Variants in ATP10B observed in about 807,000 individuals in gnomAD.
The protein encoded by ATP10B is ATPase phospholipid transporting 10B (putative).
Under a neutral mutation model 141.2 loss-of-function variants are expected in ATP10B, and 122 were observed. The observed-to-expected ratio is 0.86, with a 90% confidence interval of 0.75 to 1.00. The LOEUF is 1.00. Ranked by LOEUF, ATP10B falls within the 50% of genes least tolerant of loss-of-function variation. The pLI, the probability that ATP10B is intolerant of heterozygous loss-of-function variation, is 0.00. For missense variants in ATP10B, 1,876 were observed against 1,825.3 expected, an observed-to-expected ratio of 1.03 and a Z score of -0.51; for synonymous variants, 685 against 692.0, an observed-to-expected ratio of 0.99 and a Z score of 0.16.
At chr5:160,729,636 G>C (rs1339074681) in intron 2 of ATP10B, among the ~76,000 whole-genome samples, 1 of 152,080 alleles carries the variant, frequency 6.6e-6, no homozygotes, top group African/African-American at 2.4e-5. Flanking sequence ...GGCCTACAAG[G>C]AGGTTTTATT....
chr5:160,654,628 A>C (rs993541931), intron 7 of ATP10B, among the ~76,000 whole-genome samples: 1 of 152,160 alleles, frequency 6.6e-6, no homozygotes, highest in Non-Finnish European at 1.5e-5. Flanking sequence ...TGGAGACTAA[A>C]GTGTCTCATG....
intron 7 of ATP10B, among the ~76,000 whole-genome samples, chr5:160,653,780 AC>A (rs1335746051): frequency 2.5e-5 from 3 of 119,712 alleles, no homozygotes; most frequent in South Asian, 2.4e-4. Context: ...ATACATATAT[AC>A]ATATATATTA....
Position 160,667,175 on chromosome 5 carries a change from G to C in ATP10B, c.675+3288C>G, listed in dbSNP as rs572544722. 2.5e-3 allele frequency among the ~76,000 whole-genome samples: 373 copies of C among 152,240 alleles called. 1 individual carries two copies. Among genetic ancestry groups the C allele is most frequent in the African/African-American group, 8.7e-3 (361 of 41,534 alleles). On this transcript the variant is annotated intron_variant, in intron 7 of 25. Coordinates refer to ENST00000327245, the MANE Select transcript of ATP10B (RefSeq NM_025153.3). Reference sequence around the variant, plus strand: ...GGAGCTTGCAGTGAGCAGAGATCGTGCCACTGCACTCCAGCTTGGGCGACA... The same window carrying C: ...GGAGCTTGCAGTGAGCAGAGATCGTCCCACTGCACTCCAGCTTGGGCGACA...
intron 1 of ATP10B, among the ~76,000 whole-genome samples, chr5:160,845,593 T>TA: frequency 6.6e-6 from 1 of 152,190 alleles, no homozygotes; most frequent in South Asian, 2.1e-4. Context: ...AAAGTTTTTT[T>TA]AAAAAAATAA....
intron 2 of ATP10B, among the ~76,000 whole-genome samples, chr5:160,780,880 T>C (rs1386777340): frequency 2.0e-5 from 3 of 152,196 alleles, no homozygotes; most frequent in Non-Finnish European, 2.9e-5. Context: ...ATAAAAGTAA[T>C]AGCATGTTTA....
chr5:160,592,794 A>G (rs1694545600), intron 22 of ATP10B, among the ~76,000 whole-genome samples: 1 of 152,256 alleles, frequency 6.6e-6, no homozygotes, highest in African/African-American at 2.4e-5. Context: ...TCCTACGCCC[A>G]TGGAGTCTCG....
At chr5:160,779,134 T>C (rs1561844528) in intron 2 of ATP10B, among the ~76,000 whole-genome samples, 1 of 152,194 alleles carries the variant, frequency 6.6e-6, no homozygotes, top group Non-Finnish European at 1.5e-5. Context: ...GTGGTTTTTA[T>C]ATAATCACAA....
intron 2 of ATP10B, among the ~76,000 whole-genome samples, chr5:160,768,157 C>A (rs1428945594): frequency 6.6e-6 from 1 of 152,106 alleles, no homozygotes; most frequent in East Asian, 1.9e-4. Flanking sequence ...TTATTTCTTC[C>A]CATCATCATC....
chr5:160,924,451 GTAAA>G, the ATP10B span, among the ~76,000 whole-genome samples: 92 of 152,294 alleles, frequency 6.0e-4, no homozygotes, highest in African/African-American at 2.1e-3. Context: ...CTTACACATA[GTAAA>G]TACTCAATAA....
intron 2 of ATP10B, among the ~76,000 whole-genome samples, chr5:160,778,326 A>C (rs1770482201): frequency 6.6e-6 from 1 of 152,236 alleles, no homozygotes; most frequent in African/African-American, 2.4e-5. Flanking sequence ...TGGAGACCAC[A>C]GCTCCAAGGA....
At chr5:160,662,068 G>T (rs546228956) in intron 7 of ATP10B, among the ~76,000 whole-genome samples, 1 of 152,102 alleles carries the variant, frequency 6.6e-6, no homozygotes, top group Admixed American at 6.5e-5. Flanking sequence ...GAATAAAATA[G>T]CTAGGAATCC....
At chr5:160,709,608 A>ATTT (rs34526186) in intron 3 of ATP10B, among the ~76,000 whole-genome samples, 3 of 143,164 alleles carry the variant, frequency 2.1e-5, no homozygotes, top group Non-Finnish European at 3.0e-5. Flanking sequence ...TTTTTTTTTA[A>ATTT]TTTTTTTTTT....
At chr5:160,781,938 G>A (rs1057514015) in intron 2 of ATP10B, among the ~76,000 whole-genome samples, 7 of 152,086 alleles carry the variant, frequency 4.6e-5, no homozygotes, top group Non-Finnish European at 8.8e-5. Flanking sequence ...ACTTTCTGAG[G>A]CAGAATTATT....
At chr5:160,758,747 G>T (rs1215961527) in intron 2 of ATP10B, among the ~76,000 whole-genome samples, 2 of 152,146 alleles carry the variant, frequency 1.3e-5, no homozygotes, top group Non-Finnish European at 2.9e-5. Flanking sequence ...GTCCTGCAGG[G>T]TCATGTTTTG....
the ATP10B span, among the ~76,000 whole-genome samples, chr5:160,893,662 G>A: frequency 3.3e-5 from 5 of 152,304 alleles, no homozygotes; most frequent in East Asian, 1.9e-4. Flanking sequence ...TGAAGAGAGC[G>A]GTGGATCTCC....
intron 2 of ATP10B, among the ~76,000 whole-genome samples, chr5:160,731,061 AACC>A (rs1457685300): frequency 6.6e-6 from 1 of 152,174 alleles, no homozygotes; most frequent in African/African-American, 2.4e-5. Flanking sequence ...TAAACCATTT[AACC>A]AAGAAAATAG....
chr5:160,716,817 C>T, intron 3 of ATP10B, 92 bp downstream of exon 3: 1 of 858,284 alleles, frequency 1.2e-6, no homozygotes, highest in Non-Finnish European at 1.4e-6. Flanking sequence ...AAGGTGGTGT[C>T]ATGAACCAAA....
Position 160,563,276 on chromosome 5 carries a change from A to G in ATP10B, c.*2177T>C, listed in dbSNP as rs1754352214. On this transcript the variant is annotated 3_prime_UTR_variant, in exon 26 of 26. Transcript: ENST00000327245. ...ATAACTTTTCCCTGTAAGATGGCAC[A>G]TTGGATGGTCACAGTTGGCTTGATT... 1 of 152,162 alleles carries G rather than the reference A, an allele frequency of 6.6e-6. No homozygotes were observed. Among genetic ancestry groups the G allele is most frequent in the Non-Finnish European group, 1.5e-5 (1 of 68,032 alleles). 9.4% of individuals were successfully genotyped at this position (152,162 alleles called of 1,614,324 possible).
chr5:160,605,849 C>T (rs1042583093), intron 19 of ATP10B, among the ~76,000 whole-genome samples: 6 of 152,142 alleles, frequency 3.9e-5, no homozygotes, highest in South Asian at 2.1e-4. Context: ...TCTTTCTACT[C>T]GAGGAACTCA....
Sources: allele counts gnomAD v4.1 joint callset (sites outside exome capture counted in the v4.1 genomes callset), GRCh38; gene constraint gnomAD v4.1.1; transcripts MANE v1.5; gene names NCBI Gene and HGNC (gene_info 2026-07-23, HGNC 2026-07-21).